The following MAZ variants were observed in gnomAD, a reference collection of about 807,000 sequenced individuals.
MAZ encodes the protein MYC associated zinc finger protein, also known as myc-associated zinc finger protein.
MAZ carries 4 observed loss-of-function variants against 32.7 expected under a neutral mutation model. That is an observed-to-expected ratio of 0.12 (90% CI 0.06 to 0.28). MAZ has a LOEUF of 0.28. Among genes scored for constraint, MAZ ranks in the 10% least tolerant of loss-of-function variants. The pLI, the probability that MAZ is intolerant of heterozygous loss-of-function variation, is 1.00. For synonymous variants in MAZ, 510 were observed against 297.6 expected, an observed-to-expected ratio of 1.71 and a Z score of -7.35; for missense variants, 763 against 667.2, an observed-to-expected ratio of 1.14 and a Z score of -1.58.
At chr16:29,809,797 G>T (rs964624454) in intron 4 of MAZ, 25 of 1,146,882 alleles carry the variant, frequency 2.2e-5, no homozygotes, top group African/African-American at 6.2e-5. Context: ...GGGGCGGGAT[G>T]GGGGGTGTGG....
In MAZ at chr16:29,810,641, G is replaced by A. The variant is rs1899897682; in HGVS notation, c.*410G>A. ...CCCTGCTGTCTGCAGCCCCTCCCCG[G>A]GGAGTTGGTGCTTTCTTTTCCTTTT... On this transcript the variant is annotated 3_prime_UTR_variant, in exon 5 of 5. Coordinates refer to ENST00000322945, the MANE Select transcript of MAZ (RefSeq NM_002383.4). The A allele has an allele frequency of 1.6e-6, 1 of 607,528 alleles. No homozygotes were observed. Among genetic ancestry groups the A allele is most frequent in the African/African-American group, 1.9e-5 (1 of 53,186 alleles). The allele number at this position is 607,528 out of a possible 1,614,324, so 37.6% of individuals were successfully genotyped here.
At chr16:29,808,320 G>A (rs369987996) in intron 3 of MAZ, 27 bp downstream of exon 3, 4 of 1,606,120 alleles carry the variant, frequency 2.5e-6, no homozygotes, top group Non-Finnish European at 3.4e-6. Flanking sequence ...CTCCTGTCTT[G>A]GTTTTCATGA....
intron 4 of MAZ, chr16:29,809,192 A>C: frequency 2.0e-6 from 1 of 493,466 alleles, no homozygotes. Flanking sequence ...CTGGGTTGAG[A>C]CCGCGGGGCA....
Position 29,806,783 on chromosome 16 carries a change from A to C in MAZ, c.82A>C (p.Met28Leu). The C allele has an allele frequency of 3.5e-6, 5 of 1,433,388 alleles. No individual in the cohort carries two copies. The highest frequency in any genetic ancestry group is 1.9e-4 in the Middle Eastern group (1 of 5,346). 88.8% of individuals were successfully genotyped at this position (1,433,388 alleles called of 1,614,324 possible). Residue 28 changes from methionine (M) to leucine (L), a missense_variant, in exon 1 of 5, where the codon ATG becomes CTG. Met to Leu is a conservative substitution (Grantham distance 15). Transcript: ENST00000322945. Reference sequence around the variant, plus strand: ...GGACTCCCGGGGGGTGGGCGGCCTCATGAACTCCTTCCCGCCACCTCAGGG... The same window carrying C: ...GGACTCCCGGGGGGTGGGCGGCCTCCTGAACTCCTTCCCGCCACCTCAGGG... ...GLDSRGVGGLMNSFPPPQGHA... is the reference protein window; with the variant it reads ...GLDSRGVGGLLNSFPPPQGHA...
rs1899913385 is a variant in MAZ, at chr16:29,810,767, GCAAAGGTTGTACCTT to G, written c.*539_*553del. 2.7e-6 allele frequency: 1 copy of G among 368,828 alleles called. No homozygotes were observed. Among genetic ancestry groups the G allele is most frequent in the South Asian group, 2.3e-5 (1 of 43,816 alleles). 22.8% of individuals were successfully genotyped at this position (368,828 alleles called of 1,614,324 possible). A position where few individuals can be genotyped will look rare whatever the true frequency, so the allele number is the denominator to read the frequency against. On this transcript the variant is annotated 3_prime_UTR_variant, in exon 5 of 5. Transcript: ENST00000322945. Reference sequence around the variant, plus strand: ...TTGAGGAGGGGCAGAAGCAGGGCCGGCAAAGGTTGTACCTTCATAAGGTGGTATGGGGGGTTGGGG... The same window carrying G: ...TTGAGGAGGGGCAGAAGCAGGGCCGGCATAAGGTGGTATGGGGGGTTGGGG...
chr16:29,806,491 C>CCGCCGT (rs1191130988), upstream of MAZ: 1 of 324,956 alleles, frequency 3.1e-6, no homozygotes, highest in Admixed American at 7.0e-5. Context: ...GGCGTCGCCG[C>CCGCCGT]CGCCGTCGCC....
intron 4 of MAZ, 150 bp downstream of exon 4, chr16:29,808,891 C>T: frequency 4.4e-6 from 3 of 676,308 alleles, no homozygotes; most frequent in Admixed American, 2.9e-5. Flanking sequence ...GGGGGGACAC[C>T]TGAATGAACA....
chr16:29,807,834 C>T lies in MAZ; in HGVS notation c.1043+6C>T, dbSNP rs374865443. The stretch of plus-strand genomic sequence containing the variant: ...TGTGGCAAGAGCTTCTCCCGGTGTG[C>T]ACGGGGCCTCGGCCGCCCGCTAGGC... On this transcript the variant is annotated splice_donor_region_variant and intron_variant, in intron 2 of 4. Coordinates refer to ENST00000322945, the MANE Select transcript of MAZ (RefSeq NM_002383.4). The T allele has an allele frequency of 2.5e-6, 4 of 1,600,928 alleles. No individual in the cohort carries two copies. Among genetic ancestry groups the T allele is most frequent in the Non-Finnish European group, 3.4e-6 (4 of 1,177,096 alleles).
intron 4 of MAZ, chr16:29,809,510 C>T (rs762306295): frequency 2.9e-5 from 42 of 1,454,100 alleles, no homozygotes; most frequent in Non-Finnish European, 3.8e-5. Context: ...CTGGCTGACC[C>T]CCGCCCCATC....
intron 2 of MAZ, 37 bp downstream of exon 2, chr16:29,807,865 G>A (rs1596871407): frequency 2.5e-6 from 4 of 1,589,186 alleles, no homozygotes; most frequent in South Asian, 2.2e-5. Flanking sequence ...TAGGCCGTGG[G>A]GAGGGAGGGA....
At position 29,810,628 on chromosome 16, in the gene MAZ, CA is replaced by C. The variant is rs1899896329; in HGVS notation, c.*398del. On this transcript the variant is annotated 3_prime_UTR_variant, in exon 5 of 5. Transcript: ENST00000322945. ...TCCAGTCCTCTCCCCCTGCTGTCTG[CA>C]GCCCCTCCCCGGGGAGTTGGTGCTT... The C allele has an allele frequency of 1.3e-5, 8 of 621,248 alleles. No homozygotes were observed. The highest frequency in any genetic ancestry group is 2.0e-5 in the Non-Finnish European group (7 of 346,648). The allele number at this position is 621,248 out of a possible 1,614,324, so 38.5% of individuals were successfully genotyped here. A position where few individuals can be genotyped will look rare whatever the true frequency, so the allele number is the denominator to read the frequency against.
In MAZ at chr16:29,807,553, C is replaced by T. The variant is rs756735486; in HGVS notation, c.768C>T (p.Gly256=). 6.2e-6 allele frequency: 10 copies of T among 1,602,012 alleles called. No homozygotes were observed. The highest frequency in any genetic ancestry group is 8.5e-6 in the Non-Finnish European group (10 of 1,175,744). The stretch of plus-strand genomic sequence containing the variant: ...GGGGAGAGGCGGGTGCCGGCGGCGG[C>T]GCTGCCGCAGTGGCCGCCGGTGGCG... The part of the protein sequence containing the change: ...GGGGEAGAGG[G]AAAVAAGGVV... Residue 256 remains glycine (G), a synonymous_variant, in exon 2 of 5, where the codon GGC becomes GGT. Coordinates refer to ENST00000322945, the MANE Select transcript of MAZ (RefSeq NM_002383.4).
intron 3 of MAZ, 25 bp downstream of exon 3, chr16:29,808,318 T>C (rs2142400624): frequency 1.9e-6 from 3 of 1,606,282 alleles, no homozygotes; most frequent in South Asian, 1.1e-5. Context: ...TCCTCCTGTC[T>C]TGGTTTTCAT....
At chr16:29,809,358 C>CA (rs1434192163) in intron 4 of MAZ, 1 of 594,184 alleles carries the variant, frequency 1.7e-6, no homozygotes, top group Non-Finnish European at 3.0e-6. Context: ...AGCCAGGCCC[C>CA]AGGCTCAGGG....
Position 29,806,618 on chromosome 16 carries a change from G to A in MAZ, c.-84G>A, listed in dbSNP as rs1428966458. ...CGGCGCGGCCCAGCCCGGCCGGCCG[G>A]GGGCGGCGCCCCGAGCCCGGGCCCC... On this transcript the variant is annotated 5_prime_UTR_variant, in exon 1 of 5. Coordinates refer to ENST00000322945, the MANE Select transcript of MAZ (RefSeq NM_002383.4). 5.2e-6 allele frequency: 5 copies of A among 967,512 alleles called. No individual in the cohort carries two copies. Among genetic ancestry groups the A allele is most frequent in the South Asian group, 4.7e-5 (1 of 21,240 alleles). 59.9% of individuals were successfully genotyped at this position (967,512 alleles called of 1,614,324 possible).
chr16:29,807,261 C>A lies in MAZ; in HGVS notation c.476C>A (p.Ala159Glu), dbSNP rs1355590962. ...PPASAATIAA[A>E]AATAVVAPTS... is the part of the protein sequence containing the mutation. ...GCCTCCGCCGCCACTATCGCCGCGG[C>A]GGCGGCCACCGCCGTCGTAGCCCCA... Residue 159 changes from alanine to glutamate, a missense_variant, in exon 2 of 5, where the codon GCG becomes GAG. By Grantham distance (107) the Ala-to-Glu change is moderately radical. Transcript: ENST00000322945. 2 of 1,444,908 alleles carry A rather than the reference C, an allele frequency of 1.4e-6. No individual in the cohort carries two copies. The highest frequency in any genetic ancestry group is 1.4e-5 in the South Asian group (1 of 70,098). The allele number at this position is 1,444,908 out of a possible 1,614,324, so 89.5% of individuals were successfully genotyped here. A position where few individuals can be genotyped will look rare whatever the true frequency, so the allele number is the denominator to read the frequency against.
chr16:29,807,897 G>T, intron 2 of MAZ, 69 bp downstream of exon 2: 1 of 1,562,216 alleles, frequency 6.4e-7, no homozygotes, highest in Middle Eastern at 1.7e-4. Flanking sequence ...TGGCCTGGCC[G>T]TGGCTGGCGG....
rs995926567 is a variant in MAZ, at chr16:29,807,010, C to G, written c.225C>G (p.Ala75=). The G allele has an allele frequency of 5.7e-5, 57 of 1,008,010 alleles. No homozygotes were observed. The Admixed American group carries it at 2.8e-3, about 49-fold the overall frequency. The allele number at this position is 1,008,010 out of a possible 1,614,324, so 62.4% of individuals were successfully genotyped here. The change falls in exon 2 of 5, where the codon GCC becomes GCG. Residue 75 remains alanine, a synonymous_variant. Coordinates refer to ENST00000322945, the MANE Select transcript of MAZ (RefSeq NM_002383.4). ...CGGCGCCCCCGCCCACGCCCCAGGCCCCGGCGGCCGAGCCCCTCCAGGTGG... is the reference window on the plus strand; with the variant it reads ...CGGCGCCCCCGCCCACGCCCCAGGCGCCGGCGGCCGAGCCCCTCCAGGTGG... The part of the protein sequence containing the change: ...AAPAPPPTPQ[A]PAAEPLQVDL...
In MAZ at chr16:29,806,809, T is replaced by A; in HGVS notation, c.108T>A (p.Gly36=). The change falls in exon 1 of 5, where the codon GGT becomes GGA. Residue 36 remains glycine (G), a synonymous_variant. Coordinates refer to ENST00000322945, the MANE Select transcript of MAZ (RefSeq NM_002383.4). The stretch of plus-strand genomic sequence containing the variant: ...TGAACTCCTTCCCGCCACCTCAGGG[T>A]CACGCCCAGAACCCCCTGCAGGTCG... ...GLMNSFPPPQ[G]HAQNPLQVGA... 1 of 1,432,252 alleles carries A rather than the reference T, an allele frequency of 7.0e-7. No homozygotes were observed. Among genetic ancestry groups the A allele is most frequent in the African/African-American group, 1.5e-5 (1 of 65,036 alleles). The allele number at this position is 1,432,252 out of a possible 1,614,324, so 88.7% of individuals were successfully genotyped here.
Sources: gnomAD v4.1 joint callset for allele counts on GRCh38, gnomAD v4.1.1 for gene constraint, MANE v1.5 for transcripts, NCBI Gene and HGNC (gene_info 2026-07-23, HGNC 2026-07-21) for gene names.